AOPEP: variants seen among roughly 807,000 people sequenced by gnomAD.
The protein encoded by AOPEP is aminopeptidase O (putative).
A neutral mutation model predicts 98.1 loss-of-function variants in AOPEP; 77 were observed. The observed-to-expected ratio is 0.78, with a 90% confidence interval of 0.65 to 0.95. AOPEP has a LOEUF of 0.95. AOPEP is among the 40% of genes least tolerant of loss of function. The probability of loss-of-function intolerance (pLI) is 0.00; values close to 1 mark genes in which losing one functional copy is unlikely to be tolerated. For synonymous variants in AOPEP, 346 were observed against 365.3 expected (o/e 0.95, Z 0.60); for missense variants, 1,024 against 1,024.7 (o/e 1.00, Z 0.01).
chr9:94,730,396 G>T (rs1830259106), intron 1 of AOPEP, among the ~76,000 whole-genome samples: 1 of 151,200 alleles, frequency 6.6e-6, no homozygotes, highest in Non-Finnish European at 1.5e-5. Context: ...TGAGAGTGAA[G>T]AAAAAACGAC....
chr9:94,749,901 T>C (rs1291879593), intron 1 of AOPEP, among the ~76,000 whole-genome samples: 1 of 145,584 alleles, frequency 6.9e-6, no homozygotes, highest in African/African-American at 2.7e-5. Flanking sequence ...TGTTTTCTTA[T>C]TTCTTTTATG....
chr9:94,896,910 GT>G (rs55947017), intron 5 of AOPEP, among the ~76,000 whole-genome samples: 90,718 of 115,898 alleles, frequency 0.78, 34,840 homozygotes, highest in Middle Eastern at 0.9. Flanking sequence ...ACTTTTGTGG[GT>G]TTTTTTTTTT....
At position 94,760,026 on chromosome 9, in the gene AOPEP, T is replaced by C. The variant is rs1564081137; in HGVS notation, c.243T>C (p.His81=). The C allele has an allele frequency of 6.2e-7, 1 of 1,614,224 alleles. No individual in the cohort carries two copies. Among genetic ancestry groups the C allele is most frequent in the Non-Finnish European group, 8.5e-7 (1 of 1,180,032 alleles). ...ACKFGMPEPC[H]IPVTNARTFS... ...AATTTGGGATGCCTGAACCCTGCCA[T>C]ATTCCCGTGACAAATGCAAGGACCT... is the stretch of plus-strand genomic sequence containing the variant. Residue 81 remains histidine, a synonymous_variant, in exon 2 of 17, where the codon CAT becomes CAC. Transcript: ENST00000375315.
the AOPEP span, among the ~76,000 whole-genome samples, chr9:95,093,777 C>T: frequency 2.6e-5 from 4 of 152,188 alleles, no homozygotes; most frequent in Non-Finnish European, 5.9e-5. Flanking sequence ...TTCTCTGTGT[C>T]GATGGCTGCA....
At chr9:94,834,654 G>A (rs866324412) in intron 5 of AOPEP, among the ~76,000 whole-genome samples, 10 of 152,026 alleles carry the variant, frequency 6.6e-5, no homozygotes, top group African/African-American at 2.4e-4. Context: ...TTAGCCCACT[G>A]TGGTGACGTG....
chr9:95,010,812 G>C (rs910041338), intron 13 of AOPEP, among the ~76,000 whole-genome samples: 5 of 152,160 alleles, frequency 3.3e-5, no homozygotes, highest in African/African-American at 9.7e-5. Context: ...ACTTACTTGA[G>C]TGATGGGGGG....
chr9:94,760,690 C>T, intron 2 of AOPEP, 110 bp downstream of exon 2: 1 of 883,600 alleles, frequency 1.1e-6, no homozygotes. Flanking sequence ...TCTTCTGTGA[C>T]ATTACCCAAG....
At chr9:94,861,540 C>T (rs2044991233) in intron 5 of AOPEP, among the ~76,000 whole-genome samples, 1 of 152,188 alleles carries the variant, frequency 6.6e-6, no homozygotes, top group South Asian at 2.1e-4. Flanking sequence ...TCCATGACAA[C>T]AGAGCCAAGC....
At chr9:94,772,417 A>G (rs2132839565) in intron 2 of AOPEP, among the ~76,000 whole-genome samples, 1 of 152,262 alleles carries the variant, frequency 6.6e-6, no homozygotes. Context: ...TGGCTTTCCC[A>G]TCACAAGCCT....
intron 5 of AOPEP, among the ~76,000 whole-genome samples, chr9:94,811,914 G>C (rs566489507): frequency 6.6e-6 from 1 of 152,312 alleles, no homozygotes; most frequent in East Asian, 1.9e-4. Context: ...TGGCAAGTTG[G>C]GGTGAGGAGA....
intron 13 of AOPEP, among the ~76,000 whole-genome samples, chr9:95,039,619 C>G (rs2133540512): frequency 6.6e-6 from 1 of 152,218 alleles, no homozygotes; most frequent in African/African-American, 2.4e-5. Context: ...AATTCCTATC[C>G]TATAATTAAA....
intron 7 of AOPEP, among the ~76,000 whole-genome samples, chr9:94,948,288 AGC>A (rs1256585593): frequency 1.3e-5 from 2 of 151,998 alleles, no homozygotes; most frequent in African/African-American, 4.8e-5. Flanking sequence ...TCTGTTTTTT[AGC>A]CTTGTATAAA....
At chr9:95,135,479 G>A in the AOPEP span, 1 of 1,614,018 alleles carries the variant, frequency 6.2e-7, no homozygotes, top group Non-Finnish European at 8.5e-7. Flanking sequence ...GACTACAGCT[G>A]ACATGGGGAG....
intron 13 of AOPEP, among the ~76,000 whole-genome samples, chr9:95,052,342 G>T (rs901708475): frequency 2.0e-4 from 31 of 152,136 alleles, no homozygotes; most frequent in Non-Finnish European, 4.3e-4. Context: ...TTAAAATATA[G>T]TTTTCTTTGA....
At position 94,764,213 on chromosome 9, in the gene AOPEP, A is replaced by G. The variant is rs12684117; in HGVS notation, c.797+3633A>G. Among the ~76,000 whole-genome samples, 713 of 152,368 alleles carry G rather than the reference A, an allele frequency of 4.7e-3. 9 individuals are homozygous for G. The highest frequency in any genetic ancestry group is 0.042 in the South Asian group (201 of 4,828). On this transcript the variant is annotated intron_variant, in intron 2 of 16. Coordinates refer to ENST00000375315, the MANE Select transcript of AOPEP (RefSeq NM_001193329.3). ...CTCTTAACTCCAATCTAATCATGAG[A>G]AAAGCATCAGATACATCCCAGTCAA...
Position 94,800,807 on chromosome 9 carries a change from C to G in AOPEP, c.1169C>G (p.Ala390Gly), listed in dbSNP as rs1848055120. ...HMEYPCRFQN[A>G]SATTQEIIPH... ...GAATACCCCTGCCGCTTCCAGAATG[C>G]TTCTGCCACCACCCAGGAGATCATT... Residue 390 changes from alanine (A) to glycine (G), a missense_variant, in exon 5 of 17, where the codon GCT becomes GGT. By Grantham distance (60) the Ala-to-Gly change is moderately conservative. This residue lies in a region of AOPEP where 566 missense variants were observed against 551.7 expected (regional missense o/e 1.03). Transcript: ENST00000375315. The G allele has an allele frequency of 6.2e-7, 1 of 1,614,196 alleles. No individual in the cohort carries two copies.
chr9:94,761,253 G>T (rs1244810026), intron 2 of AOPEP, among the ~76,000 whole-genome samples: 1 of 152,216 alleles, frequency 6.6e-6, no homozygotes, highest in Non-Finnish European at 1.5e-5. Flanking sequence ...GGAATTGATG[G>T]AGGTGTCGTT....
chr9:95,022,465 G>A (rs955654643), intron 13 of AOPEP, among the ~76,000 whole-genome samples: 14 of 152,152 alleles, frequency 9.2e-5, no homozygotes, highest in African/African-American at 3.4e-4. Context: ...AGCCTCCTGG[G>A]TAGCTGGGAC....
intron 14 of AOPEP, among the ~76,000 whole-genome samples, chr9:95,064,691 TG>T (rs1459412487): frequency 6.6e-6 from 1 of 152,240 alleles, no homozygotes; most frequent in Non-Finnish European, 1.5e-5. Flanking sequence ...ATTGTTTACT[TG>T]GGAAGAAAGC....
Sources: allele counts gnomAD v4.1 joint callset (sites outside exome capture counted in the v4.1 genomes callset), GRCh38; gene constraint gnomAD v4.1.1; regional missense constraint gnomAD v4.1.1; transcripts MANE v1.5; gene names NCBI Gene and HGNC (gene_info 2026-07-23, HGNC 2026-07-21).